Variants in NFKB1 observed in about 807,000 individuals in gnomAD.
The protein encoded by NFKB1 is nuclear factor NF-kappa-B p105 subunit.
NFKB1 carries 9 observed loss-of-function variants against 105.1 expected under a neutral mutation model. The observed-to-expected ratio is 0.09, with a 90% CI of 0.05 to 0.15. The LOEUF is 0.15. NFKB1 is among the 10% of genes least tolerant of loss of function. The pLI, the probability that NFKB1 is intolerant of heterozygous loss-of-function variation, is 1.00. For synonymous variants in NFKB1, 440 were observed against 442.2 expected (o/e 1.00, Z 0.06); for missense variants, 830 against 1,203.7 (o/e 0.69, Z 4.59).
chr4:102,558,472 C>G (rs1723157768), intron 5 of NFKB1, among the ~76,000 whole-genome samples: 2 of 152,190 alleles, frequency 1.3e-5, no homozygotes, highest in South Asian at 4.1e-4. Flanking sequence ...CACTCCTCAC[C>G]CACTACCTGC....
chr4:102,585,830 G>C (rs1725666622), intron 11 of NFKB1, among the ~76,000 whole-genome samples: 1 of 152,108 alleles, frequency 6.6e-6, no homozygotes, highest in African/African-American at 2.4e-5. Context: ...GAGAAGGAGA[G>C]GGTTCTCTAG....
At chr4:102,552,131 A>G (rs1299425174) in intron 5 of NFKB1, among the ~76,000 whole-genome samples, 1 of 152,200 alleles carries the variant, frequency 6.6e-6, no homozygotes, top group African/African-American at 2.4e-5. Flanking sequence ...CCAGGAATAC[A>G]GTGTAGTACT....
intron 4 of NFKB1, among the ~76,000 whole-genome samples, 159 bp downstream of exon 4, chr4:102,534,044 C>T (rs1276602772): frequency 6.6e-6 from 1 of 152,180 alleles, no homozygotes; most frequent in African/African-American, 2.4e-5. Flanking sequence ...ATTCACTTTA[C>T]ATTTCTCTTA....
intron 1 of NFKB1, among the ~76,000 whole-genome samples, chr4:102,516,580 T>G (rs1740202753): frequency 6.6e-6 from 1 of 151,968 alleles, no homozygotes; most frequent in South Asian, 2.1e-4. Context: ...TTTCCATTCT[T>G]TTTTTTAAAA....
intron 5 of NFKB1, among the ~76,000 whole-genome samples, chr4:102,557,654 A>G (rs1411993298): frequency 6.6e-6 from 1 of 152,212 alleles, no homozygotes; most frequent in African/African-American, 2.4e-5. Context: ...GGAAACAACA[A>G]AATGAAGCAT....
chr4:102,596,381 A>G (rs1445672870), intron 14 of NFKB1, 49 bp downstream of exon 14: 2 of 1,465,650 alleles, frequency 1.4e-6, no homozygotes, highest in Non-Finnish European at 1.8e-6. Flanking sequence ...GGGAGGGGTC[A>G]GTCCTAGGTG....
At chr4:102,532,201 C>T (rs1168860136) in intron 3 of NFKB1, among the ~76,000 whole-genome samples, 1 of 151,690 alleles carries the variant, frequency 6.6e-6, no homozygotes, top group Non-Finnish European at 1.5e-5. Flanking sequence ...CTTGTGTATG[C>T]TTCATTTCAG....
At chr4:102,611,914 G>A in intron 20 of NFKB1, 130 bp from the exon 21 acceptor site, 1 of 682,336 alleles carries the variant, frequency 1.5e-6, no homozygotes, top group Non-Finnish European at 2.5e-6. Flanking sequence ...GATTCCTCTT[G>A]CCATTCCTCC....
At position 102,616,858 on chromosome 4, in the gene NFKB1, T is replaced by C; in HGVS notation, c.*264T>C. On this transcript the variant is annotated 3_prime_UTR_variant, in exon 24 of 24. Transcript: ENST00000226574. ...TGGGGATGAGGTTGCTTACTAAGCT[T>C]TGCCAGCTGCTGCTGGATCACAGCT... 3.1e-6 allele frequency: 1 copy of C among 319,874 alleles called. No individual in the cohort carries two copies. Among genetic ancestry groups the C allele is most frequent in the East Asian group, 6.0e-5 (1 of 16,722 alleles). The allele number at this position is 319,874 out of a possible 1,614,324, so 19.8% of individuals were successfully genotyped here.
intron 1 of NFKB1, among the ~76,000 whole-genome samples, chr4:102,515,320 CG>C (rs894007783): frequency 3.3e-5 from 5 of 150,896 alleles, no homozygotes; most frequent in African/African-American, 4.9e-5. Context: ...CCGTTTTAGC[CG>C]GGATGGTCTC....
At chr4:102,588,769 C>G (rs1011162494) in intron 11 of NFKB1, among the ~76,000 whole-genome samples, 12 of 152,180 alleles carry the variant, frequency 7.9e-5, no homozygotes, top group African/African-American at 2.7e-4. Context: ...AAAAGAATGA[C>G]AGCCTAACAT....
intron 5 of NFKB1, among the ~76,000 whole-genome samples, chr4:102,539,608 A>G (rs886621516): frequency 1.3e-5 from 2 of 152,208 alleles, no homozygotes; most frequent in African/African-American, 2.4e-5. Flanking sequence ...AGGAGCAGCA[A>G]TAAAGAACTA....
chr4:102,540,021 G>A (rs1741897500), intron 5 of NFKB1, among the ~76,000 whole-genome samples: 1 of 152,170 alleles, frequency 6.6e-6, no homozygotes, highest in South Asian at 2.1e-4. Context: ...TGTGTCACAT[G>A]TATAAATATT....
intron 4 of NFKB1, among the ~76,000 whole-genome samples, chr4:102,536,607 T>C (rs911707530): frequency 6.6e-6 from 1 of 152,160 alleles, no homozygotes; most frequent in African/African-American, 2.4e-5. Context: ...GTCTAAGTAG[T>C]GCATACGTTT....
chr4:102,534,867 A>G (rs1741539176), intron 4 of NFKB1, among the ~76,000 whole-genome samples: 2 of 152,190 alleles, frequency 1.3e-5, no homozygotes, highest in South Asian at 2.1e-4. Flanking sequence ...TAAAGCATCC[A>G]CTGCGTTGTG....
In NFKB1 at chr4:102,576,921, T is replaced by C; in HGVS notation, c.453T>C (p.Phe151=). The part of the protein sequence containing the change: ...GILHVTKKKV[F]ETLEARMTEA... ...TTCATGTGACAAAGAAAAAAGTATT[T>C]GAAACACTGGAAGCACGAATGACAG... Residue 151 remains phenylalanine, a synonymous_variant, in exon 7 of 24, where the codon TTT becomes TTC. Transcript: ENST00000226574. 1 of 1,613,626 alleles carries C rather than the reference T, an allele frequency of 6.2e-7. No homozygotes were observed. Among genetic ancestry groups the C allele is most frequent in the African/African-American group, 1.3e-5 (1 of 74,930 alleles).
chr4:102,578,945 G>A lies in NFKB1; in HGVS notation c.636G>A (p.Val212=), dbSNP rs528506285. ...AGACCAAGGAGATGGACCTCAGCGT[G>A]GTGCGGCTCATGTTTACAGCTTTTC... is the stretch of plus-strand genomic sequence containing the variant. The part of the protein sequence containing the change: ...LQQTKEMDLS[V]VRLMFTAFLP... The change falls in exon 8 of 24, where the codon GTG becomes GTA. Residue 212 remains valine, a synonymous_variant. Coordinates refer to ENST00000226574, the MANE Select transcript of NFKB1 (RefSeq NM_003998.4). 5.0e-6 allele frequency: 8 copies of A among 1,614,116 alleles called. No individual in the cohort carries two copies. The East Asian group carries it at 1.6e-4, about 31-fold the overall frequency.
rs79211154 is a variant in NFKB1 at position 102,574,530 on chromosome 4, C to T, written c.408-2346C>T. Among the ~76,000 whole-genome samples, 18 of 152,190 alleles carry T rather than the reference C, an allele frequency of 1.2e-4. No homozygotes were observed. The East Asian group carries it at 3.3e-3, about 28-fold the overall frequency. ...TACTCTGCTTGTGAGTTTTAGCCTC[C>T]TTGGCTTCCTCCAATATTTAACTGT... On this transcript the variant is annotated intron_variant, in intron 6 of 23. Coordinates refer to ENST00000226574, the MANE Select transcript of NFKB1 (RefSeq NM_003998.4).
At chr4:102,527,229 T>C (rs1005615496) in intron 2 of NFKB1, among the ~76,000 whole-genome samples, 3 of 152,174 alleles carry the variant, frequency 2.0e-5, no homozygotes, top group Admixed American at 2.0e-4. Context: ...GCTGTAGTAG[T>C]AGTCTGCGCA....
Sources: gnomAD v4.1 joint callset for allele counts (sites outside exome capture counted in the v4.1 genomes callset) on GRCh38, gnomAD v4.1.1 for gene constraint, MANE v1.5 for transcripts, NCBI Gene and HGNC (gene_info 2026-07-23, HGNC 2026-07-21) for gene names.